COL28A1: variants seen among roughly 807,000 people sequenced by gnomAD.
COL28A1 encodes the protein collagen type XXVIII alpha 1 chain.
In COL28A1, 161 loss-of-function variants were observed where a neutral mutation model predicts 150.2. The observed-to-expected ratio is 1.07, with a 90% CI of 0.94 to 1.22. The LOEUF is 1.22. Ranked by LOEUF, COL28A1 falls within the 50% of genes most tolerant of loss-of-function variation. The pLI is 0.00. For synonymous variants in COL28A1, 552 were observed against 469.7 expected (o/e 1.18, Z -2.26); for missense variants, 1,617 against 1,388.3 (o/e 1.16, Z -2.62).
chr7:7,535,088 G>A (rs989103728), intron 1 of COL28A1, among the ~76,000 whole-genome samples: 40 of 152,038 alleles, frequency 2.6e-4, no homozygotes, highest in South Asian at 2.1e-4. Flanking sequence ...CTGATGTCAC[G>A]TACAAGCAAA....
chr7:7,534,832 C>T (rs956683388), intron 1 of COL28A1, among the ~76,000 whole-genome samples: 2 of 152,046 alleles, frequency 1.3e-5, no homozygotes, highest in African/African-American at 4.8e-5. Flanking sequence ...TTCTTATTTG[C>T]TCTGACATTG....
chr7:7,506,159 C>G, intron 10 of COL28A1, 92 bp from the exon 11 acceptor site: 1 of 767,490 alleles, frequency 1.3e-6, no homozygotes, highest in Non-Finnish European at 2.3e-6. Context: ...TCCTGGCGAT[C>G]GAAGTTAGAC....
rs749256229 is a variant in COL28A1 at position 7,499,494 on chromosome 7, TTTGA to T, written c.1026+6516_1026+6519del. Among the ~76,000 whole-genome samples, 7 of 152,204 alleles carry T rather than the reference TTTGA, an allele frequency of 4.6e-5. No homozygotes were observed. In the South Asian group the frequency reaches 6.2e-4, roughly 13 times the overall value. ...ATTGTGAACTTAAAACAGTTTTTTG[TTTGA>T]TTAATTATTCTTTACCAAGAAATGT... On this transcript the variant is annotated intron_variant, in intron 11 of 34. Transcript: ENST00000399429.
At chr7:7,499,543 C>T (rs1780406503) in intron 11 of COL28A1, among the ~76,000 whole-genome samples, 1 of 152,138 alleles carries the variant, frequency 6.6e-6, no homozygotes, top group Admixed American at 6.6e-5. Context: ...CATGTTTTCA[C>T]TTGATTTACT....
intron 11 of COL28A1, among the ~76,000 whole-genome samples, chr7:7,494,154 A>T (rs1431777587): frequency 6.6e-6 from 1 of 152,252 alleles, no homozygotes; most frequent in Admixed American, 6.5e-5. Context: ...TCAAGAGGAC[A>T]GGAAGCCAAT....
At chr7:7,498,231 T>G (rs1562837547) in intron 11 of COL28A1, among the ~76,000 whole-genome samples, 1 of 152,114 alleles carries the variant, frequency 6.6e-6, no homozygotes, top group East Asian at 1.9e-4. Flanking sequence ...AAAATGCAAG[T>G]CATTTTCTCT....
In COL28A1 at chr7:7,417,671, T is replaced by G. The variant is rs1181269693; in HGVS notation, c.2136+188A>C. 21 of 611,204 alleles carry G rather than the reference T, an allele frequency of 3.4e-5. No individual in the cohort carries two copies. The East Asian group carries it at 6.3e-4, about 18-fold the overall frequency. 37.9% of individuals were successfully genotyped at this position (611,204 alleles called of 1,614,324 possible). A position where few individuals can be genotyped will look rare whatever the true frequency, so the allele number is the denominator to read the frequency against. On this transcript the variant is annotated intron_variant, in intron 27 of 34. Transcript: ENST00000399429. ...AAGCAATTTATATAATGTTTAGCATTTGCTGAAGTATTGTACTCATACCAT... is the reference window on the plus strand; with the variant it reads ...AAGCAATTTATATAATGTTTAGCATGTGCTGAAGTATTGTACTCATACCAT...
At chr7:7,454,710 C>A (rs1787002920) in intron 16 of COL28A1, among the ~76,000 whole-genome samples, 1 of 152,138 alleles carries the variant, frequency 6.6e-6, no homozygotes, top group Non-Finnish European at 1.5e-5. Context: ...TCACTCAGCA[C>A]CAGGAGCACT....
chr7:7,511,229 C>G, intron 8 of COL28A1, 94 bp from the exon 9 acceptor site: 1 of 990,854 alleles, frequency 1.0e-6, no homozygotes, highest in South Asian at 1.4e-5. Flanking sequence ...TCCCAGCAGA[C>G]TCTTGTAACA....
At chr7:7,394,758 A>G (rs950611251) in intron 27 of COL28A1, among the ~76,000 whole-genome samples, 3 of 152,186 alleles carry the variant, frequency 2.0e-5, no homozygotes, top group Non-Finnish European at 4.4e-5. Context: ...GGACAGCAAG[A>G]AAAGGAATCT....
intron 9 of COL28A1, among the ~76,000 whole-genome samples, chr7:7,508,959 G>A (rs200841729): frequency 4.6e-5 from 7 of 152,130 alleles, no homozygotes; most frequent in East Asian, 1.9e-4. Context: ...CCAGCCTCCC[G>A]AGTAGCTGAA....
At chr7:7,380,926 T>G in intron 28 of COL28A1, 64 bp from the exon 29 acceptor site, 4 of 1,448,432 alleles carry the variant, frequency 2.8e-6, no homozygotes, top group Non-Finnish European at 3.8e-6. Flanking sequence ...TAAGAAAAGC[T>G]CTATAATTTG....
At chr7:7,434,557 T>G (rs1429180019) in intron 23 of COL28A1, among the ~76,000 whole-genome samples, 2 of 152,222 alleles carry the variant, frequency 1.3e-5, no homozygotes, top group Non-Finnish European at 2.9e-5. Context: ...AGTCCAAACT[T>G]AGAACAAATT....
At chr7:7,451,947 T>G (rs1323600093) in intron 18 of COL28A1, among the ~76,000 whole-genome samples, 1 of 152,164 alleles carries the variant, frequency 6.6e-6, no homozygotes, top group African/African-American at 2.4e-5. Context: ...GCTCTCTAGA[T>G]CCTATATAAC....
chr7:7,365,465 T>C (rs1780887313), intron 33 of COL28A1, among the ~76,000 whole-genome samples: 1 of 152,112 alleles, frequency 6.6e-6, no homozygotes, highest in South Asian at 2.1e-4. Flanking sequence ...AGACGTGTTA[T>C]CACCATTCTC....
intron 27 of COL28A1, among the ~76,000 whole-genome samples, chr7:7,383,515 G>A (rs894760209): frequency 2.6e-5 from 4 of 151,728 alleles, no homozygotes; most frequent in African/African-American, 9.7e-5. Context: ...CTGACCTTAG[G>A]TGATTCACCT....
At chr7:7,366,195 G>C (rs1780923852) in intron 33 of COL28A1, among the ~76,000 whole-genome samples, 1 of 152,098 alleles carries the variant, frequency 6.6e-6, no homozygotes, top group East Asian at 1.9e-4. Flanking sequence ...CAGGAAAATA[G>C]GTGATTCCCC....
At chr7:7,451,561 C>T (rs1266603127) in intron 18 of COL28A1, among the ~76,000 whole-genome samples, 2 of 152,010 alleles carry the variant, frequency 1.3e-5, no homozygotes, top group African/African-American at 2.4e-5. Context: ...TAAGATTGCA[C>T]GTCATAAGTA....
Position 7,417,538 on chromosome 7 carries a change from GA to G in COL28A1, c.2136+320del, listed in dbSNP as rs1291979536. On this transcript the variant is annotated intron_variant, in intron 27 of 34. Transcript: ENST00000399429. ...AGGAGGGAGGGGGGAGGGAGGGAGG[GA>G]GGGGGGGGGGAGAGAGAGAGAGAGA... The G allele has an allele frequency of 1.2e-3, 101 of 81,304 alleles. 1 individual carries two copies. The highest frequency in any genetic ancestry group is 5.4e-3 in the African/African-American group (24 of 4,458). The allele number at this position is 81,304 out of a possible 1,614,324, so 5.0% of individuals were successfully genotyped here.
Sources: gnomAD v4.1 joint callset for allele counts (sites outside exome capture counted in the v4.1 genomes callset) on GRCh38, gnomAD v4.1.1 for gene constraint, MANE v1.5 for transcripts, NCBI Gene and HGNC (gene_info 2026-07-23, HGNC 2026-07-21) for gene names.